Variants in SLC27A6 observed in about 807,000 individuals in gnomAD.
SLC27A6 encodes long-chain fatty acid transport protein 6.
Under a neutral mutation model 63.9 loss-of-function variants are expected in SLC27A6, and 74 were observed. The ratio of observed to expected loss-of-function variants is 1.16; its 90% confidence interval spans 0.96 to 1.40. The LOEUF (loss-of-function observed/expected upper bound fraction) is 1.40, where lower values mean the gene tolerates loss of function less well. SLC27A6 is among the 40% of genes most tolerant of loss of function. The probability of loss-of-function intolerance (pLI) is 0.00; values close to 1 mark genes in which losing one functional copy is unlikely to be tolerated. For missense variants in SLC27A6, 794 were observed against 732.9 expected, an observed-to-expected ratio of 1.08 and a Z score of -0.96; for synonymous variants, 287 against 260.8, an observed-to-expected ratio of 1.10 and a Z score of -0.97.
At chr5:129,021,200 C>CA (rs997706133) in intron 5 of SLC27A6, among the ~76,000 whole-genome samples, 1 of 148,894 alleles carries the variant, frequency 6.7e-6, no homozygotes, top group Non-Finnish European at 1.5e-5. Context: ...AGGTTTTAGA[C>CA]AAAAAAATGT....
At chr5:128,966,752 T>A in intron 1 of SLC27A6, 134 bp downstream of exon 1, 1 of 927,338 alleles carries the variant, frequency 1.1e-6, no homozygotes, top group Non-Finnish European at 1.4e-6. Context: ...TACAAAATAG[T>A]TTTATGATTC....
chr5:129,012,381 C>A (rs1191065827), intron 4 of SLC27A6, among the ~76,000 whole-genome samples: 1 of 152,008 alleles, frequency 6.6e-6, no homozygotes, highest in Non-Finnish European at 1.5e-5. Context: ...TAAGACTCAA[C>A]AAATGATCGA....
chr5:129,023,810 G>A, intron 6 of SLC27A6, 100 bp downstream of exon 6: 2 of 764,870 alleles, frequency 2.6e-6, no homozygotes, highest in Non-Finnish European at 4.4e-6. Context: ...CAGGACCCCG[G>A]GTAGACACCA....
At chr5:129,014,402 G>A (rs180752400) in intron 4 of SLC27A6, among the ~76,000 whole-genome samples, 2 of 152,306 alleles carry the variant, frequency 1.3e-5, no homozygotes, top group East Asian at 3.9e-4. Context: ...GAGCTGGCGA[G>A]TTCTGAGTGT....
At chr5:129,009,535 A>G (rs1751652745) in intron 4 of SLC27A6, among the ~76,000 whole-genome samples, 2 of 152,206 alleles carry the variant, frequency 1.3e-5, no homozygotes, top group African/African-American at 2.4e-5. Flanking sequence ...GCTGAGACAT[A>G]CTGTATTTAT....
intron 4 of SLC27A6, among the ~76,000 whole-genome samples, chr5:129,007,442 T>TAAAAA (rs569920098): frequency 9.6e-6 from 1 of 104,284 alleles, no homozygotes; most frequent in Non-Finnish European, 2.0e-5. Context: ...GACTCAGTCT[T>TAAAAA]AAAAAAAAAA....
intron 4 of SLC27A6, among the ~76,000 whole-genome samples, chr5:128,995,017 T>C (rs1287010697): frequency 6.6e-6 from 1 of 152,220 alleles, no homozygotes; most frequent in Non-Finnish European, 1.5e-5. Flanking sequence ...TGAGATGAAG[T>C]TGTTCTTCTC....
At chr5:129,020,967 G>T (rs1410868691) in intron 5 of SLC27A6, among the ~76,000 whole-genome samples, 2 of 151,762 alleles carry the variant, frequency 1.3e-5, no homozygotes, top group African/African-American at 4.8e-5. Flanking sequence ...ATAATAATAC[G>T]CACGAACTGG....
intron 7 of SLC27A6, 70 bp from the exon 8 acceptor site, chr5:129,028,275 A>T: frequency 2.0e-6 from 2 of 1,010,286 alleles, no homozygotes; most frequent in South Asian, 1.3e-5. Context: ...GCAAGACATT[A>T]AAACTAAAAC....
At chr5:129,024,783 C>T (rs936135927) in intron 6 of SLC27A6, among the ~76,000 whole-genome samples, 1 of 152,074 alleles carries the variant, frequency 6.6e-6, no homozygotes, top group Non-Finnish European at 1.5e-5. Context: ...TATGTTGAAA[C>T]TGCATTTCAG....
intron 4 of SLC27A6, among the ~76,000 whole-genome samples, chr5:128,996,640 C>A (rs1418713481): frequency 1.3e-5 from 2 of 151,922 alleles, no homozygotes; most frequent in Non-Finnish European, 2.9e-5. Context: ...AATTTTGGAA[C>A]ACAAGAAGTG....
intron 4 of SLC27A6, among the ~76,000 whole-genome samples, chr5:128,991,562 T>G (rs997271402): frequency 6.6e-6 from 1 of 152,234 alleles, no homozygotes. Flanking sequence ...ATTCATGCTA[T>G]GTTTACAGAA....
chr5:129,005,974 C>A (rs1462035206), intron 4 of SLC27A6, among the ~76,000 whole-genome samples: 1 of 151,326 alleles, frequency 6.6e-6, no homozygotes, highest in African/African-American at 2.4e-5. Flanking sequence ...CAGATTGGGC[C>A]CCTGCAGGCT....
chr5:128,993,284 G>A (rs369225738), intron 4 of SLC27A6, among the ~76,000 whole-genome samples: 1 of 152,218 alleles, frequency 6.6e-6, no homozygotes, highest in African/African-American at 2.4e-5. Flanking sequence ...GAAACATGGT[G>A]AGTAAGAGTA....
At chr5:128,991,945 T>C (rs1388387431) in intron 4 of SLC27A6, among the ~76,000 whole-genome samples, 1 of 151,104 alleles carries the variant, frequency 6.6e-6, no homozygotes, top group Non-Finnish European at 1.5e-5. Context: ...TCTTTAACTT[T>C]ATGATTTTCT....
chr5:129,008,093 ATGT>A (rs1014884441), intron 4 of SLC27A6, among the ~76,000 whole-genome samples: 1 of 152,068 alleles, frequency 6.6e-6, no homozygotes, highest in African/African-American at 2.4e-5. Context: ...TATTCTCTAA[ATGT>A]TGTATGATAT....
Position 128,988,655 on chromosome 5 carries a change from C to G in SLC27A6, c.741C>G (p.Val247=). Residue 247 remains valine, a synonymous_variant, in exon 3 of 10, where the codon GTC becomes GTG. Coordinates refer to ENST00000262462, the MANE Select transcript of SLC27A6 (RefSeq NM_001017372.3). ...TGCAGGTTTTAAGGGGTTCTGCTGT[C>G]CTGTGGGCTTTTGGTTGTACTGCTC... ...SQLQVLRGSA[V]LWAFGCTAHD... is the part of the protein sequence containing the mutation. The G allele has an allele frequency of 6.2e-7, 1 of 1,613,974 alleles. No homozygotes were observed. The highest frequency in any genetic ancestry group is 8.5e-7 in the Non-Finnish European group (1 of 1,179,936).
Position 129,033,238 on chromosome 5 carries a change from A to C in SLC27A6, c.1816A>C (p.Arg606=). 1 of 1,589,582 alleles carries C rather than the reference A, an allele frequency of 6.3e-7. No individual in the cohort carries two copies. Among genetic ancestry groups the C allele is most frequent in the Non-Finnish European group, 8.6e-7 (1 of 1,167,280 alleles). ...GAAAAAGTCTTATGTTCTACTGACCAGGGAACTTTATGATCAAATAATGTT... is the reference window on the plus strand; with the variant it reads ...GAAAAAGTCTTATGTTCTACTGACCCGGGAACTTTATGATCAAATAATGTT... ...NLKKSYVLLT[R]ELYDQIMLGE... Residue 606 remains arginine, a synonymous_variant, in exon 10 of 10, where the codon AGG becomes CGG. Transcript: ENST00000262462.
chr5:129,011,531 A>G (rs1386453897), intron 4 of SLC27A6, among the ~76,000 whole-genome samples: 2 of 152,224 alleles, frequency 1.3e-5, no homozygotes, highest in African/African-American at 4.8e-5. Context: ...CTGGCTCACC[A>G]TATTTCCATA....
Sources: gnomAD v4.1 joint callset for allele counts (sites outside exome capture counted in the v4.1 genomes callset) on GRCh38, gnomAD v4.1.1 for gene constraint, MANE v1.5 for transcripts, NCBI Gene and HGNC (gene_info 2026-07-23, HGNC 2026-07-21) for gene names.